MAML3: variants seen among roughly 807,000 people sequenced by gnomAD.
MAML3 encodes the protein mastermind like transcriptional coactivator 3.
Under a neutral mutation model 101.9 loss-of-function variants are expected in MAML3, and 27 were observed. The ratio of observed to expected loss-of-function variants is 0.27; its 90% CI spans 0.20 to 0.37. The LOEUF (loss-of-function observed/expected upper bound fraction) is 0.37, where lower values mean the gene tolerates loss of function less well. Ranked by LOEUF, MAML3 falls within the 10% of genes least tolerant of loss-of-function variation. MAML3 has a pLI of 1.00. For missense variants in MAML3, 1,316 were observed against 1,444.9 expected (o/e 0.91, Z 1.45); for synonymous variants, 501 against 555.9 (o/e 0.90, Z 1.39).
intron 1 of MAML3, among the ~76,000 whole-genome samples, chr4:140,151,111 C>T (rs569930893): frequency 1.3e-5 from 2 of 152,112 alleles, no homozygotes; most frequent in South Asian, 2.1e-4. Flanking sequence ...AGCTGGGCCG[C>T]GAGGCGGACA....
At chr4:140,091,475 G>A (rs1728046469) in intron 1 of MAML3, among the ~76,000 whole-genome samples, 1 of 146,702 alleles carries the variant, frequency 6.8e-6, no homozygotes, top group Admixed American at 7.1e-5. Context: ...AAGGCAAGAG[G>A]CTGGTTAGAA....
At position 139,864,923 on chromosome 4, in the gene MAML3, C is replaced by CTTGTTTTTTTTTTTTTTTTTT. The variant is rs56928318; in HGVS notation, c.2079+24433_2079+24434insAAAAAAAAAAAAAAAAAACAA. Among the ~76,000 whole-genome samples, 2 of 62,456 alleles carry CTTGTTTTTTTTTTTTTTTTTT rather than the reference C, an allele frequency of 3.2e-5. 1 individual carries two copies. Among genetic ancestry groups the CTTGTTTTTTTTTTTTTTTTTT allele is most frequent in the African/African-American group, 1.2e-4 (2 of 17,052 alleles). 41.0% of individuals were successfully genotyped at this position (62,456 alleles called of 152,430 possible). A position where few individuals can be genotyped will look rare whatever the true frequency, so the allele number is the denominator to read the frequency against. The stretch of plus-strand genomic sequence containing the variant: ...TTAGGAAAATAGTAATGCAAACTTG[C>CTTGTTTTTTTTTTTTTTTTTT]TTTTTTTTTTTTTTTTTTTTTTTTT... On this transcript the variant is annotated intron_variant, in intron 2 of 4. Coordinates refer to ENST00000509479, the MANE Select transcript of MAML3 (RefSeq NM_018717.5).
chr4:140,110,908 A>G (rs746507081), intron 1 of MAML3, among the ~76,000 whole-genome samples: 233 of 152,362 alleles, frequency 1.5e-3, no homozygotes, highest in Non-Finnish European at 2.6e-3. Context: ...GCAATTTCAT[A>G]TGATGGAATA....
chr4:139,864,674 CAAAAAAAAAAAAAAAAAAA>C (rs70943450), intron 2 of MAML3, among the ~76,000 whole-genome samples: 36 of 69,504 alleles, frequency 5.2e-4, no homozygotes, highest in Non-Finnish European at 7.5e-4. Flanking sequence ...GGCTCCGTCT[CAAAAAAAAAAAAAAAAAAA>C]AAAAAAGAAA....
intron 1 of MAML3, among the ~76,000 whole-genome samples, chr4:139,921,403 G>T (rs1323433176): frequency 6.6e-6 from 1 of 152,106 alleles, no homozygotes; most frequent in Non-Finnish European, 1.5e-5. Flanking sequence ...CTCCTGTGGG[G>T]TTTTCTCACA....
At chr4:140,003,851 G>A (rs1054452059) in intron 1 of MAML3, among the ~76,000 whole-genome samples, 12 of 152,184 alleles carry the variant, frequency 7.9e-5, no homozygotes, top group African/African-American at 2.9e-4. Flanking sequence ...TCTGCCCCAG[G>A]TATATGATTT....
At chr4:140,080,474 G>A (rs981566437) in intron 1 of MAML3, among the ~76,000 whole-genome samples, 2 of 152,168 alleles carry the variant, frequency 1.3e-5, no homozygotes, top group Non-Finnish European at 2.9e-5. Flanking sequence ...TGTAATTAAA[G>A]GAACATTCGA....
At chr4:139,814,025 A>AACACACACACACACACAC (rs70943442) in intron 2 of MAML3, among the ~76,000 whole-genome samples, 2,163 of 145,080 alleles carry the variant, frequency 0.015, 22 homozygotes, top group Non-Finnish European at 0.021. Context: ...CACAAACACA[A>AACACACACACACACACAC]ACACACACAC....
At chr4:139,763,302 C>A (rs1445267043) in intron 2 of MAML3, among the ~76,000 whole-genome samples, 1 of 152,216 alleles carries the variant, frequency 6.6e-6, no homozygotes, top group African/African-American at 2.4e-5. Context: ...AGAGTTTATT[C>A]TCCCTTGAAT....
chr4:139,720,438 C>T, intron 4 of MAML3, 115 bp from the exon 5 acceptor site: 2 of 866,886 alleles, frequency 2.3e-6, no homozygotes, highest in East Asian at 2.8e-5. Context: ...AAAGGATCTA[C>T]TCTGATAATA....
chr4:139,997,136 GTA>G (rs928012829), intron 1 of MAML3, among the ~76,000 whole-genome samples: 9 of 148,696 alleles, frequency 6.1e-5, no homozygotes, highest in African/African-American at 2.0e-4. Flanking sequence ...ATATATATGT[GTA>G]TATATATATA....
rs113603866 is a variant in MAML3 at position 139,809,482 on chromosome 4, A to G, written c.2080-78815T>C. Among the ~76,000 whole-genome samples, 195 of 152,272 alleles carry G rather than the reference A, an allele frequency of 1.3e-3. 1 individual carries two copies. The highest frequency in any genetic ancestry group is 4.5e-3 in the African/African-American group (188 of 41,548). ...TACCCATGCTTATTTTGCTAGAGAG[A>G]AAACAAAGGCCCCTTCCAACGTAGC... is the stretch of plus-strand genomic sequence containing the variant. On this transcript the variant is annotated intron_variant, in intron 2 of 4. Coordinates refer to ENST00000509479, the MANE Select transcript of MAML3 (RefSeq NM_018717.5).
intron 1 of MAML3, chr4:140,134,584 C>G (rs148861386): frequency 3.0e-6 from 1 of 333,018 alleles, no homozygotes; most frequent in East Asian, 7.7e-5. Context: ...ATATAAACTC[C>G]GATGAGTGAT....
intron 1 of MAML3, among the ~76,000 whole-genome samples, chr4:139,950,214 G>A (rs772907925): frequency 6.6e-6 from 1 of 152,078 alleles, no homozygotes; most frequent in Non-Finnish European, 1.5e-5. Flanking sequence ...CTAATTTTTT[G>A]TATTTTTAGT....
intron 1 of MAML3, among the ~76,000 whole-genome samples, chr4:140,048,658 A>T (rs1272237709): frequency 1.3e-5 from 2 of 152,200 alleles, no homozygotes; most frequent in Non-Finnish European, 2.9e-5. Flanking sequence ...AATCTCAACT[A>T]TACCACTGGC....
intron 2 of MAML3, among the ~76,000 whole-genome samples, chr4:139,873,272 G>T (rs926758560): frequency 1.1e-4 from 17 of 152,164 alleles, no homozygotes; most frequent in Non-Finnish European, 1.8e-4. Context: ...TGGAGCCTAT[G>T]ATTTCATCCC....
At chr4:140,115,348 C>G (rs1728501283) in intron 1 of MAML3, among the ~76,000 whole-genome samples, 5 of 152,198 alleles carry the variant, frequency 3.3e-5, no homozygotes, top group Admixed American at 2.6e-4. Flanking sequence ...TCTCAATTTT[C>G]ACTTCTAAAA....
intron 2 of MAML3, among the ~76,000 whole-genome samples, chr4:139,799,457 G>A (rs1730568350): frequency 6.6e-6 from 1 of 152,146 alleles, no homozygotes; most frequent in South Asian, 2.1e-4. Flanking sequence ...GCTAAAGTGT[G>A]TACTGTGCAT....
chr4:140,048,794 C>T (rs562671257), intron 1 of MAML3, among the ~76,000 whole-genome samples: 10 of 152,298 alleles, frequency 6.6e-5, no homozygotes, highest in African/African-American at 1.7e-4. Context: ...TATTCCCCTT[C>T]CCTTGCCCCA....
Sources: gnomAD v4.1 joint callset for allele counts (sites outside exome capture counted in the v4.1 genomes callset) on GRCh38, gnomAD v4.1.1 for gene constraint, MANE v1.5 for transcripts, NCBI Gene and HGNC (gene_info 2026-07-23, HGNC 2026-07-21) for gene names.